ROR2: variants seen among roughly 807,000 people sequenced by gnomAD.
ROR2 encodes ROR family WNT receptor 2.
A neutral mutation model predicts 74.9 loss-of-function variants in ROR2; 33 were observed. That is an observed-to-expected ratio of 0.44 (90% CI 0.33 to 0.59). The LOEUF (loss-of-function observed/expected upper bound fraction) is 0.59. Ranked by LOEUF, ROR2 falls within the 20% of genes least tolerant of loss-of-function variation. ROR2 has a pLI of 0.02. For missense variants in ROR2, 1,216 were observed against 1,313.8 expected (o/e 0.93, Z 1.15); for synonymous variants, 586 against 558.7 (o/e 1.05, Z -0.69).
intron 1 of ROR2, among the ~76,000 whole-genome samples, chr9:91,947,565 C>A (rs1832041969): frequency 6.6e-6 from 1 of 151,964 alleles, no homozygotes; most frequent in South Asian, 2.1e-4. Flanking sequence ...TATTTATTAC[C>A]ACCATCACTC....
Position 91,723,705 on chromosome 9 carries a change from T to A in ROR2, c.2789A>T (p.Asp930Val), listed in dbSNP as rs1180786358. The A allele has an allele frequency of 6.2e-7, 1 of 1,613,932 alleles. No homozygotes were observed. The highest frequency in any genetic ancestry group is 8.5e-7 in the Non-Finnish European group (1 of 1,180,010). Residue 930 changes from aspartate to valine, a missense_variant, in exon 9 of 9, where the codon GAC (aspartate) becomes GTC (valine). Transcript: ENST00000375708. The stretch of plus-strand genomic sequence containing the variant: ...TTGGGCCTCGTCCACCTGCAGAGTG[T>A]CACAGTCCCCCAGCAGCTCAGTCTC... ...VPETELLGDC[D>V]TLQVDEAQVQ...
intron 1 of ROR2, among the ~76,000 whole-genome samples, chr9:91,860,035 G>A (rs527714553): frequency 6.6e-6 from 1 of 152,162 alleles, no homozygotes; most frequent in South Asian, 2.1e-4. Context: ...GCACAGGCAG[G>A]GGCCTCTCTT....
intron 1 of ROR2, among the ~76,000 whole-genome samples, chr9:91,856,687 G>A (rs908225439): frequency 9.2e-5 from 14 of 152,214 alleles, no homozygotes; most frequent in African/African-American, 3.4e-4. Flanking sequence ...AGGGCTGTGA[G>A]AGAATGAACG....
chr9:91,943,379 A>G (rs537369183), intron 1 of ROR2, among the ~76,000 whole-genome samples: 14 of 152,046 alleles, frequency 9.2e-5, no homozygotes, highest in Middle Eastern at 7.0e-3. Context: ...ATAATTTAAC[A>G]TAATATATAC....
chr9:91,726,477 G>A (rs1339262621), intron 8 of ROR2, 64 bp downstream of exon 8: 6 of 1,426,604 alleles, frequency 4.2e-6, no homozygotes, highest in African/African-American at 4.2e-5. Context: ...AATGTTGGGG[G>A]AAACAACCCC....
chr9:91,804,739 G>A (rs187672386), intron 1 of ROR2, among the ~76,000 whole-genome samples: 2 of 152,132 alleles, frequency 1.3e-5, no homozygotes, highest in Non-Finnish European at 2.9e-5. Context: ...TTCAGAGTGG[G>A]GGGGTGGTCA....
At chr9:91,823,822 T>G (rs1828206618) in intron 1 of ROR2, among the ~76,000 whole-genome samples, 1 of 152,242 alleles carries the variant, frequency 6.6e-6, no homozygotes, top group Non-Finnish European at 1.5e-5. Flanking sequence ...TTAGTTAGGC[T>G]GGGGCGTCAG....
intron 1 of ROR2, among the ~76,000 whole-genome samples, chr9:91,820,217 A>C (rs1307126188): frequency 2.0e-5 from 3 of 152,192 alleles, no homozygotes; most frequent in African/African-American, 7.2e-5. Context: ...ATTTTAATTT[A>C]ATAAACAAAA....
intron 1 of ROR2, among the ~76,000 whole-genome samples, chr9:91,809,166 T>C (rs545048937): frequency 1.3e-5 from 2 of 152,266 alleles, no homozygotes; most frequent in Admixed American, 6.5e-5. Flanking sequence ...GGTCCCCAAA[T>C]AGTCTACAAT....
At chr9:91,780,374 C>CT (rs1826573283) in intron 1 of ROR2, among the ~76,000 whole-genome samples, 1 of 111,858 alleles carries the variant, frequency 8.9e-6, no homozygotes, top group Non-Finnish European at 1.7e-5. Flanking sequence ...AAGACTCCGT[C>CT]TAAAAAAAAA....
chr9:91,753,663 T>C (rs762442191), intron 4 of ROR2, among the ~76,000 whole-genome samples: 1 of 152,124 alleles, frequency 6.6e-6, no homozygotes, highest in African/African-American at 2.4e-5. Context: ...CTGATGGGAA[T>C]GCCTGTCACA....
At chr9:91,844,714 T>C (rs1828873588) in intron 1 of ROR2, among the ~76,000 whole-genome samples, 1 of 152,132 alleles carries the variant, frequency 6.6e-6, no homozygotes, top group South Asian at 2.1e-4. Flanking sequence ...GGTTCGTGGC[T>C]ACCAGAACCT....
At chr9:91,749,353 G>C (rs1825534256) in intron 4 of ROR2, among the ~76,000 whole-genome samples, 1 of 152,298 alleles carries the variant, frequency 6.6e-6, no homozygotes, top group African/African-American at 2.4e-5. Context: ...TTTGGCTCCT[G>C]GTGGGGGTTC....
In ROR2 at chr9:91,733,037, G is replaced by T; in HGVS notation, c.937+85C>A. The T allele has an allele frequency of 7.5e-7, 1 of 1,334,374 alleles. No individual in the cohort carries two copies. Among genetic ancestry groups the T allele is most frequent in the Non-Finnish European group, 1.0e-6 (1 of 974,340 alleles). The allele number at this position is 1,334,374 out of a possible 1,614,324, so 82.7% of individuals were successfully genotyped here. On this transcript the variant is annotated intron_variant, in intron 6 of 8. Transcript: ENST00000375708. This position sits in a 1 kb window ranked among gnomAD's most constrained non-coding sequence, Gnocchi z 5.7. ...GGGCCTGGACAGATGGGGCTCCCTG[G>T]GCTTCACCGACACCCCCATACACAT...
chr9:91,886,428 C>T (rs1480391899), intron 1 of ROR2, among the ~76,000 whole-genome samples: 1 of 152,170 alleles, frequency 6.6e-6, no homozygotes, highest in Non-Finnish European at 1.5e-5. Context: ...TCTGCACACC[C>T]ACTTGCTTCC....
intron 1 of ROR2, among the ~76,000 whole-genome samples, chr9:91,795,265 T>A (rs190520678): frequency 1.3e-5 from 2 of 152,352 alleles, no homozygotes; most frequent in East Asian, 3.9e-4. Flanking sequence ...TCTGAATATC[T>A]TCCATCCACC....
intron 1 of ROR2, among the ~76,000 whole-genome samples, chr9:91,878,663 TTC>T (rs1830020663): frequency 6.6e-6 from 1 of 152,248 alleles, no homozygotes; most frequent in Non-Finnish European, 1.5e-5. Flanking sequence ...TAGCCCATCA[TTC>T]TCTGAGAAGC....
At chr9:91,735,602 C>A (rs1431078153) in intron 5 of ROR2, among the ~76,000 whole-genome samples, 1 of 111,870 alleles carries the variant, frequency 8.9e-6, no homozygotes, top group African/African-American at 3.2e-5. Flanking sequence ...ACTAAGGGCT[C>A]TAACTTTTTT....
chr9:91,855,306 G>A (rs1587787185), intron 1 of ROR2, among the ~76,000 whole-genome samples: 1 of 152,216 alleles, frequency 6.6e-6, no homozygotes, highest in Non-Finnish European at 1.5e-5. Flanking sequence ...CCCAGGCCCT[G>A]CAACTTTCCT....
Sources: allele counts gnomAD v4.1 joint callset (sites outside exome capture counted in the v4.1 genomes callset), GRCh38; gene constraint gnomAD v4.1.1; non-coding constraint Gnocchi (gnomAD v3.1); transcripts MANE v1.5; gene names NCBI Gene and HGNC (gene_info 2026-07-23, HGNC 2026-07-21).